The following YPEL5 variants were observed in gnomAD, a reference collection of about 807,000 sequenced individuals.
YPEL5 encodes the protein protein yippee-like 5.
YPEL5 carries 1 observed loss-of-function variant against 10.5 expected under a neutral mutation model. The ratio of observed to expected loss-of-function variants is 0.10; its 90% confidence interval spans 0.03 to 0.45. The LOEUF (loss-of-function observed/expected upper bound fraction) is 0.45. YPEL5 is among the 20% of genes least tolerant of loss of function. The probability of loss-of-function intolerance (pLI) is 0.97; values close to 1 mark genes in which losing one functional copy is unlikely to be tolerated. For missense variants in YPEL5, 68 were observed against 159.3 expected, an observed-to-expected ratio of 0.43 and a Z score of 3.09; for synonymous variants, 61 against 56.6, an observed-to-expected ratio of 1.08 and a Z score of -0.35.
chr2:30,160,327 G>C lies in YPEL5; in HGVS notation c.*1484G>C, dbSNP rs1488844883. ...ACTGGGCTGTTGGTTAGAAGCATAG[G>C]TAACTGATTAAGTAGGTATGATACT... On this transcript the variant is annotated 3_prime_UTR_variant, in exon 3 of 3. Coordinates refer to ENST00000261353, the MANE Select transcript of YPEL5 (RefSeq NM_016061.3). The C allele has an allele frequency of 1.3e-5, 2 of 152,208 alleles. No individual in the cohort carries two copies. 9.4% of individuals were successfully genotyped at this position (152,208 alleles called of 1,614,324 possible).
intron 2 of YPEL5, 26 bp from the exon 3 acceptor site, chr2:30,158,593 T>C (rs757706464): frequency 1.2e-6 from 2 of 1,608,040 alleles, no homozygotes; most frequent in Admixed American, 3.3e-5. Flanking sequence ...TGCCTTGCAA[T>C]TTTGATTTTC....
At chr2:30,148,520 T>C (rs896703599) in intron 1 of YPEL5, 2 of 152,276 alleles carry the variant, frequency 1.3e-5, no homozygotes, top group African/African-American at 4.8e-5. Flanking sequence ...TGAAAGTTTA[T>C]CGCATACTTG....
At chr2:30,154,212 T>G (rs1314286062) in intron 1 of YPEL5, among the ~76,000 whole-genome samples, 1 of 152,236 alleles carries the variant, frequency 6.6e-6, no homozygotes, top group Non-Finnish European at 1.5e-5. Context: ...ATACAGAATC[T>G]GAGGCCTATA....
rs1287902261 is a variant in YPEL5 at position 30,156,693 on chromosome 2, G to C, written c.42G>C (p.Leu14=). The C allele has an allele frequency of 6.2e-7, 1 of 1,613,998 alleles. No homozygotes were observed. The change falls in exon 2 of 3, where the codon CTG becomes CTC. Residue 14 remains leucine, a synonymous_variant. Coordinates refer to ENST00000261353, the MANE Select transcript of YPEL5 (RefSeq NM_016061.3). The part of the protein sequence containing the change: ...IFLDHIGGTR[L]FSCANCDTIL... ...TTGATCATATCGGTGGTACCCGTCT[G>C]TTTTCTTGTGCAAACTGTGATACGA...
intron 1 of YPEL5, chr2:30,147,976 C>T (rs371573099): frequency 2.0e-5 from 3 of 152,160 alleles, no homozygotes; most frequent in East Asian, 1.9e-4. Context: ...GTGAGCCCAC[C>T]CGGGGGTCGC....
At chr2:30,150,374 C>T (rs1675727183) in intron 1 of YPEL5, among the ~76,000 whole-genome samples, 1 of 152,164 alleles carries the variant, frequency 6.6e-6, no homozygotes, top group African/African-American at 2.4e-5. Context: ...GAGGTGGCTG[C>T]TGCTCTCACC....
chr2:30,151,248 T>G (rs1445254334), intron 1 of YPEL5, among the ~76,000 whole-genome samples: 2 of 152,168 alleles, frequency 1.3e-5, no homozygotes, highest in African/African-American at 4.8e-5. Flanking sequence ...TTTAAAATAA[T>G]GCATTCCTGG....
chr2:30,157,296 A>AG (rs1676086022), intron 2 of YPEL5, among the ~76,000 whole-genome samples: 1 of 151,818 alleles, frequency 6.6e-6, no homozygotes. Context: ...AAAAAAAAAA[A>AG]GTATAAAGAA....
At chr2:30,147,238 G>A (rs1675454747) in intron 1 of YPEL5, among the ~76,000 whole-genome samples, 176 bp downstream of exon 1, 1 of 151,984 alleles carries the variant, frequency 6.6e-6, no homozygotes, top group African/African-American at 2.4e-5. Context: ...GATCCTTCAG[G>A]GTGGGCCCCG....
rs1676219594 is a variant in YPEL5, at chr2:30,160,164, A to G, written c.*1321A>G. ...AATTGGCTAATTATTTGAATGAATG[A>G]ATGGATGGATGTTTTGCATGCTCAA... On this transcript the variant is annotated 3_prime_UTR_variant, in exon 3 of 3. Coordinates refer to ENST00000261353, the MANE Select transcript of YPEL5 (RefSeq NM_016061.3). 1 of 152,604 alleles carries G rather than the reference A, an allele frequency of 6.6e-6. No individual in the cohort carries two copies. The allele number at this position is 152,604 out of a possible 1,614,324, so 9.5% of individuals were successfully genotyped here.
chr2:30,159,548 T>C lies in YPEL5; in HGVS notation c.*705T>C, dbSNP rs1205287767. The C allele has an allele frequency of 1.3e-5, 2 of 152,686 alleles. No homozygotes were observed. The highest frequency in any genetic ancestry group is 2.9e-5 in the Non-Finnish European group (2 of 68,044). The allele number at this position is 152,686 out of a possible 1,614,324, so 9.5% of individuals were successfully genotyped here. A position where few individuals can be genotyped will look rare whatever the true frequency, so the allele number is the denominator to read the frequency against. On this transcript the variant is annotated 3_prime_UTR_variant, in exon 3 of 3. Transcript: ENST00000261353. ...ATAGTAATATAAATAAAGTAATAGTTGGATGCTTTTGGTCCTGTGTTGCTT... is the reference window on the plus strand; with the variant it reads ...ATAGTAATATAAATAAAGTAATAGTCGGATGCTTTTGGTCCTGTGTTGCTT...
At position 30,159,136 on chromosome 2, in the gene YPEL5, G is replaced by GA. The variant is rs879830230; in HGVS notation, c.*300dup. ...GCAGCTATGTGGTGAGCTATGTAAGGAAAAAAATCTGGGCTGTTAGAGTGA... is the reference window on the plus strand; with the variant it reads ...GCAGCTATGTGGTGAGCTATGTAAGGAAAAAAAATCTGGGCTGTTAGAGTGA... On this transcript the variant is annotated 3_prime_UTR_variant, in exon 3 of 3. Transcript: ENST00000261353. 3.3e-6 allele frequency: 1 copy of GA among 304,086 alleles called. No individual in the cohort carries two copies. Among genetic ancestry groups the GA allele is most frequent in the Admixed American group, 4.7e-5 (1 of 21,330 alleles). 18.8% of individuals were successfully genotyped at this position (304,086 alleles called of 1,614,324 possible).
At chr2:30,154,950 G>A (rs1356148300) in intron 1 of YPEL5, among the ~76,000 whole-genome samples, 1 of 152,052 alleles carries the variant, frequency 6.6e-6, no homozygotes, top group East Asian at 1.9e-4. Flanking sequence ...TGTTAACCAG[G>A]CTGGTCTTGA....
At chr2:30,153,200 C>A (rs993876700) in intron 1 of YPEL5, among the ~76,000 whole-genome samples, 9 of 152,200 alleles carry the variant, frequency 5.9e-5, no homozygotes, top group African/African-American at 1.4e-4. Flanking sequence ...CCGCGCCCGG[C>A]CTTTGTCCTC....
chr2:30,156,893 G>GA, intron 2 of YPEL5, 101 bp downstream of exon 2: 1 of 1,378,354 alleles, frequency 7.3e-7, no homozygotes, highest in East Asian at 2.3e-5. Context: ...GGAAGAGTCA[G>GA]AATGAGAGCT....
At chr2:30,153,220 G>A (rs1675894418) in intron 1 of YPEL5, among the ~76,000 whole-genome samples, 1 of 152,128 alleles carries the variant, frequency 6.6e-6, no homozygotes, top group African/African-American at 2.4e-5. Context: ...CCTTAAATAA[G>A]TGGCTGTCTT....
In YPEL5 at chr2:30,156,738, A is replaced by G. The variant is rs747253976; in HGVS notation, c.87A>G (p.Glu29=). 1.8e-5 allele frequency: 29 copies of G among 1,613,950 alleles called. No individual in the cohort carries two copies. In the South Asian group the frequency reaches 3.2e-4, roughly 18 times the overall value. Reference sequence around the variant, plus strand: ...ATACGATCCTGACCAACCGCTCAGAACTCATCTCCACTCGTTTCACAGGCG... The same window carrying G: ...ATACGATCCTGACCAACCGCTCAGAGCTCATCTCCACTCGTTTCACAGGCG... ...NCDTILTNRS[E]LISTRFTGAT... The change falls in exon 2 of 3, where the codon GAA becomes GAG. Residue 29 remains glutamate, a synonymous_variant. Coordinates refer to ENST00000261353, the MANE Select transcript of YPEL5 (RefSeq NM_016061.3).
Position 30,158,689 on chromosome 2 carries a change from T to G in YPEL5, c.212T>G (p.Val71Gly). 6.2e-7 allele frequency: 1 copy of G among 1,614,208 alleles called. No individual in the cohort carries two copies. Among genetic ancestry groups the G allele is most frequent in the Non-Finnish European group, 8.5e-7 (1 of 1,180,042 alleles). ...ACTGGCCGCCACATGGTTCGAGATG[T>G]GAGCTGCAAAAACTGCAATAGCAAA... ...MLTGRHMVRD[V>G]SCKNCNSKLG... Residue 71 changes from valine (V) to glycine (G), a missense_variant, in exon 3 of 3, where the codon GTG becomes GGG. Transcript: ENST00000261353.
intron 1 of YPEL5, among the ~76,000 whole-genome samples, chr2:30,150,551 A>G (rs974412130): frequency 3.9e-5 from 6 of 152,308 alleles, no homozygotes; most frequent in South Asian, 2.1e-4. Context: ...GATATTATCT[A>G]TTTTTATAAT....
Sources: gnomAD v4.1 joint callset for allele counts (sites outside exome capture counted in the v4.1 genomes callset) on GRCh38, gnomAD v4.1.1 for gene constraint, MANE v1.5 for transcripts, NCBI Gene and HGNC (gene_info 2026-07-23, HGNC 2026-07-21) for gene names.